The following ZNF385D variants were observed in gnomAD, a reference collection of about 807,000 sequenced individuals.
ZNF385D encodes zinc finger protein 659.
In ZNF385D, 15 loss-of-function variants were observed where a neutral mutation model predicts 35.8. The ratio of observed to expected loss-of-function variants is 0.42; its 90% confidence interval spans 0.28 to 0.64. ZNF385D has a LOEUF of 0.64. Ranked by LOEUF, ZNF385D falls within the 30% of genes least tolerant of loss-of-function variation. The probability of loss-of-function intolerance (pLI) is 0.23; values close to 1 mark genes in which losing one functional copy is unlikely to be tolerated. For missense variants in ZNF385D, 474 were observed against 494.6 expected, an observed-to-expected ratio of 0.96 and a Z score of 0.39; for synonymous variants, 212 against 186.8, an observed-to-expected ratio of 1.13 and a Z score of -1.10.
At chr3:21,733,158 T>C (rs1164488628) in intron 1 of ZNF385D, among the ~76,000 whole-genome samples, 1 of 152,228 alleles carries the variant, frequency 6.6e-6, no homozygotes, top group Non-Finnish European at 1.5e-5. Context: ...TTTTCCATTA[T>C]ATTTTCTTTG....
At chr3:21,767,645 A>C (rs9811395) in intron 3 of ZNF385D, among the ~76,000 whole-genome samples, 3,203 of 151,912 alleles carry the variant, frequency 0.021, 126 homozygotes, top group African/African-American at 0.072. Context: ...GGATGAATGA[A>C]TTGATGAGTG....
At chr3:21,473,438 G>C (rs1559326059) in intron 4 of ZNF385D, among the ~76,000 whole-genome samples, 1 of 152,092 alleles carries the variant, frequency 6.6e-6, no homozygotes, top group South Asian at 2.1e-4. Context: ...CTGGCAAATA[G>C]TATCAAGGAA....
intron 3 of ZNF385D, among the ~76,000 whole-genome samples, chr3:21,878,460 G>C (rs779034): frequency 0.5 from 75,187 of 151,774 alleles, 19,033 homozygotes; most frequent in Non-Finnish European, 0.54. Flanking sequence ...GTATTGTTTT[G>C]TGTATGTTTA....
chr3:22,345,858 G>C (rs778172456), intron 2 of ZNF385D, among the ~76,000 whole-genome samples: 20 of 152,304 alleles, frequency 1.3e-4, no homozygotes, highest in Non-Finnish European at 1.8e-4. Flanking sequence ...TCAACATGAA[G>C]GTATAAAGTC....
At chr3:22,008,505 C>T (rs549821814) in intron 3 of ZNF385D, among the ~76,000 whole-genome samples, 5 of 152,100 alleles carry the variant, frequency 3.3e-5, no homozygotes, top group South Asian at 2.1e-4. Context: ...TACAGGCGCC[C>T]GCCACCTCTC....
rs55872870 is a variant in ZNF385D, at chr3:21,681,298, TAAAAAA to T, written c.23-16276_23-16271del. 2.3e-4 allele frequency among the ~76,000 whole-genome samples: 15 copies of T among 64,476 alleles called. No homozygotes were observed. In the East Asian group the frequency reaches 2.8e-3, roughly 12 times the overall value. 42.3% of individuals were successfully genotyped at this position (64,476 alleles called of 152,430 possible). On this transcript the variant is annotated intron_variant, in intron 1 of 7. Coordinates refer to ENST00000281523, the MANE Select transcript of ZNF385D (RefSeq NM_024697.3). Reference sequence around the variant, plus strand: ...AGCCTATGTGAATATATTCCATCAGTAAAAAAAAAAAAAAAAAAAAAAAAAACCTAC... The same window carrying T: ...AGCCTATGTGAATATATTCCATCAGTAAAAAAAAAAAAAAAAAAAACCTAC...
chr3:22,019,366 T>G (rs1039921936), intron 3 of ZNF385D, among the ~76,000 whole-genome samples: 1 of 151,954 alleles, frequency 6.6e-6, no homozygotes, highest in Non-Finnish European at 1.5e-5. Flanking sequence ...TTCATTCACA[T>G]AGATTTCAGG....
chr3:21,718,888 A>C (rs955201722), intron 1 of ZNF385D, among the ~76,000 whole-genome samples: 3 of 152,222 alleles, frequency 2.0e-5, no homozygotes, highest in Non-Finnish European at 4.4e-5. Context: ...TTCTTCACTT[A>C]AAACTGTATT....
chr3:21,790,827 G>C (rs578234737), intron 3 of ZNF385D, among the ~76,000 whole-genome samples: 1 of 152,100 alleles, frequency 6.6e-6, no homozygotes, highest in Non-Finnish European at 1.5e-5. Context: ...AAGTTAATTT[G>C]TTTCTTCGTA....
intron 2 of ZNF385D, among the ~76,000 whole-genome samples, chr3:21,598,916 A>C (rs1000307425): frequency 6.6e-6 from 1 of 152,176 alleles, no homozygotes; most frequent in African/African-American, 2.4e-5. Context: ...GATCATCTCC[A>C]TGCCTGAGCT....
chr3:22,086,935 G>C (rs1410933873), intron 3 of ZNF385D, among the ~76,000 whole-genome samples: 1 of 152,070 alleles, frequency 6.6e-6, no homozygotes, highest in East Asian at 1.9e-4. Context: ...TCCTGTCGTG[G>C]GGTGGGGGGA....
intron 3 of ZNF385D, among the ~76,000 whole-genome samples, chr3:22,140,531 C>G (rs182195194): frequency 0.017 from 2,559 of 152,030 alleles, 31 homozygotes; most frequent in Non-Finnish European, 0.028. Flanking sequence ...TATACCCCCC[C>G]AAAAACATGT....
chr3:21,529,986 G>C lies in ZNF385D; in HGVS notation c.277-18963C>G, dbSNP rs763220347. On this transcript the variant is annotated intron_variant, in intron 3 of 7. Coordinates refer to ENST00000281523, the MANE Select transcript of ZNF385D (RefSeq NM_024697.3). ...TTAGTGGGAGGTGTTTGGGTCATGG[G>C]GGGGGTGAACCCTCATGATTGACTT... 1.1e-4 allele frequency among the ~76,000 whole-genome samples: 17 copies of C among 152,228 alleles called. 1 individual carries two copies. The highest frequency in any genetic ancestry group is 2.1e-4 in the South Asian group (1 of 4,822).
At chr3:21,964,185 A>G (rs1410761882) in intron 3 of ZNF385D, among the ~76,000 whole-genome samples, 1 of 152,032 alleles carries the variant, frequency 6.6e-6, no homozygotes, top group African/African-American at 2.4e-5. Flanking sequence ...CCAGGATAAA[A>G]AAAATCAAGG....
chr3:22,043,224 T>G lies in ZNF385D; in HGVS notation c.325+125593A>C, dbSNP rs574167691. 5.1e-4 allele frequency among the ~76,000 whole-genome samples: 77 copies of G among 151,488 alleles called. 1 individual carries two copies. Among genetic ancestry groups the G allele is most frequent in the Middle Eastern group, 6.8e-3 (2 of 294 alleles). On this transcript the variant is annotated intron_variant, in intron 3 of 5. Transcript: ENST00000494108. ...ATCAATGATGTAATCATGGCTAGAG[T>G]TTTCAAGCCTTATAAAAGAAATCTT... is the stretch of plus-strand genomic sequence containing the variant.
intron 2 of ZNF385D, among the ~76,000 whole-genome samples, chr3:21,600,888 C>CAA (rs2064268160): frequency 7.7e-6 from 1 of 129,320 alleles, no homozygotes; most frequent in Non-Finnish European, 1.6e-5. Context: ...AATAATAAGT[C>CAA]AAAGGGATGA....
At chr3:22,172,186 A>G (rs1694500784) in intron 2 of ZNF385D, among the ~76,000 whole-genome samples, 1 of 152,212 alleles carries the variant, frequency 6.6e-6, no homozygotes, top group African/African-American at 2.4e-5. Context: ...TGTCTGGCTT[A>G]ATACAGTAAT....
At chr3:21,505,140 A>T (rs1332297238) in intron 4 of ZNF385D, among the ~76,000 whole-genome samples, 1 of 152,158 alleles carries the variant, frequency 6.6e-6, no homozygotes, top group East Asian at 1.9e-4. Flanking sequence ...GCAGAACTCA[A>T]AATAAACGAT....
At chr3:21,543,382 C>T (rs1400262305) in intron 3 of ZNF385D, among the ~76,000 whole-genome samples, 1 of 152,212 alleles carries the variant, frequency 6.6e-6, no homozygotes, top group African/African-American at 2.4e-5. Context: ...GAGACCGCTC[C>T]CCACCCCTTG....
Sources: gnomAD v4.1 joint callset for allele counts (sites outside exome capture counted in the v4.1 genomes callset) on GRCh38, gnomAD v4.1.1 for gene constraint, MANE v1.5 for transcripts, NCBI Gene and HGNC (gene_info 2026-07-23, HGNC 2026-07-21) for gene names.